AGAP5: variants seen among roughly 807,000 people sequenced by gnomAD.
AGAP5 encodes the protein arf-GAP with GTPase, ANK repeat and PH domain-containing protein 5.
In AGAP5, 8 loss-of-function variants were observed where a neutral mutation model predicts 27.7. The observed-to-expected ratio is 0.29, with a 90% CI of 0.17 to 0.52. AGAP5 has a LOEUF of 0.52. AGAP5 is among the 20% of genes least tolerant of loss of function. AGAP5 has a pLI of 0.97. For synonymous variants in AGAP5, 111 were observed against 338.0 expected, an observed-to-expected ratio of 0.33 and a Z score of 7.37; for missense variants, 285 against 880.8, an observed-to-expected ratio of 0.32 and a Z score of 8.56.
Position 73,674,511 on chromosome 10 carries a change from T to C in AGAP5, c.*88A>G. ...CTGAAAATGCTATTACTAGCTGAAT[T>C]TGTGATTTCCTTTTGAAATTCTGAG... On this transcript the variant is annotated 3_prime_UTR_variant, in exon 8 of 8. Transcript: ENST00000374094. The C allele has an allele frequency of 6.3e-7, 1 of 1,590,062 alleles. No homozygotes were observed. Among genetic ancestry groups the C allele is most frequent in the East Asian group, 2.2e-5 (1 of 44,574 alleles).
chr10:73,697,974 G>C lies in AGAP5; in HGVS notation c.-219C>G. 4 of 1,492,142 alleles carry C rather than the reference G, an allele frequency of 2.7e-6. No individual in the cohort carries two copies. Among genetic ancestry groups the C allele is most frequent in the Non-Finnish European group, 3.6e-6 (4 of 1,125,802 alleles). The allele number at this position is 1,492,142 out of a possible 1,614,324, so 92.4% of individuals were successfully genotyped here. A position where few individuals can be genotyped will look rare whatever the true frequency, so the allele number is the denominator to read the frequency against. On this transcript the variant is annotated 5_prime_UTR_variant, in exon 1 of 8. Coordinates refer to ENST00000374094, the MANE Select transcript of AGAP5 (RefSeq NM_001144000.4). ...GCCCACACCCTGCTGCCTCCCCTGA[G>C]TTGACTTGTCTGGGAGGGTGAAGAC...
chr10:73,689,591 C>T (rs1386608222), intron 4 of AGAP5, among the ~76,000 whole-genome samples: 1 of 151,878 alleles, frequency 6.6e-6, no homozygotes, highest in African/African-American at 2.4e-5. Context: ...AGGAGAGTCT[C>T]TGCCCGGCCA....
rs1457924817 is a variant in AGAP5, at chr10:73,698,005, G to A, written c.-250C>T. 49 of 1,453,638 alleles carry A rather than the reference G, an allele frequency of 3.4e-5. No homozygotes were observed. The highest frequency in any genetic ancestry group is 4.0e-5 in the Non-Finnish European group (44 of 1,107,718). The allele number at this position is 1,453,638 out of a possible 1,614,324, so 90.0% of individuals were successfully genotyped here. On this transcript the variant is annotated 5_prime_UTR_variant, in exon 1 of 8. Coordinates refer to ENST00000374094, the MANE Select transcript of AGAP5 (RefSeq NM_001144000.4). ...TTGTCTGGGAGGGTGAAGACCAGCT[G>A]GCTTATTTAATAGGTTGTGAACCCA...
intron 5 of AGAP5, chr10:73,682,062 TTAAAGA>T (rs1210778092): frequency 2.0e-6 from 2 of 983,776 alleles, no homozygotes; most frequent in Non-Finnish European, 2.4e-6. Flanking sequence ...AAAAGTTAAA[TTAAAGA>T]TAAAGACATT....
chr10:73,690,013 G>A (rs1207854038), intron 4 of AGAP5, among the ~76,000 whole-genome samples: 7 of 151,560 alleles, frequency 4.6e-5, no homozygotes, highest in East Asian at 3.9e-4. Flanking sequence ...CTGGCCAGCC[G>A]CCCTGTCCGG....
intron 4 of AGAP5, among the ~76,000 whole-genome samples, chr10:73,689,109 G>A (rs1302057933): frequency 6.6e-6 from 1 of 152,206 alleles, no homozygotes; most frequent in Non-Finnish European, 1.5e-5. Flanking sequence ...GCTTCAGCCT[G>A]CCGAGTGCCT....
intron 4 of AGAP5, among the ~76,000 whole-genome samples, chr10:73,688,652 A>T (rs913387799): frequency 2.6e-5 from 4 of 152,134 alleles, no homozygotes; most frequent in African/African-American, 9.7e-5. Flanking sequence ...AAATCAATGC[A>T]GGTGTACTGG....
chr10:73,694,558 G>A (rs568083166), intron 3 of AGAP5, among the ~76,000 whole-genome samples, 178 bp downstream of exon 3: 5,002 of 152,212 alleles, frequency 0.033, 130 homozygotes, highest in Non-Finnish European at 0.051. Flanking sequence ...AAGGTTACAC[G>A]TTTTCACTAA....
chr10:73,687,311 G>A (rs575893508), intron 4 of AGAP5, among the ~76,000 whole-genome samples: 1 of 152,222 alleles, frequency 6.6e-6, no homozygotes, highest in East Asian at 1.9e-4. Context: ...CTGGAGTGCA[G>A]TGGTGCAATT....
intron 3 of AGAP5, 134 bp from the exon 4 acceptor site, chr10:73,692,211 A>T (rs2082125445): frequency 3.5e-6 from 1 of 285,184 alleles, no homozygotes; most frequent in Admixed American, 4.8e-5. Flanking sequence ...TCAATAATTT[A>T]TAATTTAAAT....
intron 4 of AGAP5, among the ~76,000 whole-genome samples, chr10:73,688,842 G>T (rs979796772): frequency 1.3e-5 from 2 of 152,084 alleles, no homozygotes; most frequent in Admixed American, 1.3e-4. Context: ...AAAAGCTTCC[G>T]CAGATAACTA....
At chr10:73,694,989 T>A (rs1304921786) in intron 2 of AGAP5, among the ~76,000 whole-genome samples, 185 bp from the exon 3 acceptor site, 3 of 151,876 alleles carry the variant, frequency 2.0e-5, no homozygotes, top group Non-Finnish European at 4.4e-5. Context: ...TCCCAGCTAC[T>A]CAGGAGGCTG....
At chr10:73,686,422 C>T (rs1302476550) in intron 4 of AGAP5, among the ~76,000 whole-genome samples, 5 of 152,184 alleles carry the variant, frequency 3.3e-5, no homozygotes, top group Admixed American at 2.0e-4. Context: ...GGATCAAGGA[C>T]ATAAATCTAT....
At chr10:73,691,855 G>A (rs79144918) in intron 4 of AGAP5, among the ~76,000 whole-genome samples, 188 bp downstream of exon 4, 1 of 151,458 alleles carries the variant, frequency 6.6e-6, no homozygotes, top group Admixed American at 6.6e-5. Flanking sequence ...TCTTTAAAAG[G>A]TGGACACGCT....
At chr10:73,692,599 G>A (rs762009986) in intron 3 of AGAP5, among the ~76,000 whole-genome samples, 1 of 150,270 alleles carries the variant, frequency 6.7e-6, no homozygotes, top group African/African-American at 2.5e-5. Context: ...ATTAAAAAAC[G>A]GTCTTTACAC....
At chr10:73,689,404 G>A (rs1179884197) in intron 4 of AGAP5, among the ~76,000 whole-genome samples, 3 of 151,398 alleles carry the variant, frequency 2.0e-5, no homozygotes, top group Non-Finnish European at 2.9e-5. Context: ...CTGCCCAGCC[G>A]CCACCCCGTC....
rs2081970201 is a variant in AGAP5, at chr10:73,675,467, T to C, written c.1193A>G (p.Asn398Ser). Residue 398 changes from asparagine to serine, a missense_variant, in exon 8 of 8, where the codon AAT becomes AGT. Coordinates refer to ENST00000374094, the MANE Select transcript of AGAP5 (RefSeq NM_001144000.4). ...TTTCTTCTTTAGGTGTTTCTTTTTA[T>C]TGGCATGAGGAGAGGGGGGCGGGTT... ...KLNPPPSPHA[N>S]KKKHLKKKST... 1.2e-6 allele frequency: 2 copies of C among 1,613,786 alleles called. No homozygotes were observed. The highest frequency in any genetic ancestry group is 1.7e-5 in the Admixed American group (1 of 59,990).
chr10:73,695,677 A>T (rs1337998818), intron 2 of AGAP5, among the ~76,000 whole-genome samples: 1 of 152,204 alleles, frequency 6.6e-6, no homozygotes, highest in Non-Finnish European at 1.5e-5. Context: ...TCACACTCAT[A>T]ATGAGTCTTA....
rs1420757560 is a variant in AGAP5 at position 73,697,735 on chromosome 10, A to G, written c.21T>C (p.Cys7=). The G allele has an allele frequency of 1.1e-5, 17 of 1,597,624 alleles. No individual in the cohort carries two copies. Among genetic ancestry groups the G allele is most frequent in the Non-Finnish European group, 1.4e-5 (16 of 1,179,790 alleles). MGNILT[C]CVHPSVSLEF... is the part of the protein sequence containing the mutation. ...CGAGGCTGACGCTAGGGTGCACACA[A>G]CAGGTCAGTATGTTCCCCATGGGGC... The change falls in exon 1 of 8, where the codon TGT becomes TGC. Residue 7 remains cysteine, a synonymous_variant. Transcript: ENST00000374094.
Sources: gnomAD v4.1 joint callset for allele counts (sites outside exome capture counted in the v4.1 genomes callset) on GRCh38, gnomAD v4.1.1 for gene constraint, MANE v1.5 for transcripts, NCBI Gene and HGNC (gene_info 2026-07-23, HGNC 2026-07-21) for gene names.